HACD4: variants seen among roughly 807,000 people sequenced by gnomAD.
The protein encoded by HACD4 is very-long-chain (3R)-3-hydroxyacyl-CoA dehydratase 4.
In HACD4, 35 loss-of-function variants were observed where a neutral mutation model predicts 33.3. The observed-to-expected ratio is 1.05, with a 90% CI of 0.80 to 1.39. The LOEUF (loss-of-function observed/expected upper bound fraction) is 1.39. HACD4 is among the 40% of genes most tolerant of loss of function. The pLI is 0.00. For missense variants in HACD4, 323 were observed against 276.5 expected, an observed-to-expected ratio of 1.17 and a Z score of -1.19; for synonymous variants, 118 against 98.0, an observed-to-expected ratio of 1.20 and a Z score of -1.21.
chr9:21,024,295 T>C (rs1419372), intron 3 of HACD4, among the ~76,000 whole-genome samples: 140,522 of 152,356 alleles, frequency 0.92, 65,260 homozygotes, highest in East Asian at 1. Context: ...ATTGATAATA[T>C]TCAGCTCAGG....
At chr9:21,016,414 T>C (rs1842557226) in intron 3 of HACD4, among the ~76,000 whole-genome samples, 1 of 152,150 alleles carries the variant, frequency 6.6e-6, no homozygotes. Context: ...GCACAGTGTG[T>C]GCCAGATATG....
rs1842562709 is a variant in HACD4 at position 21,016,659 on chromosome 9, G to A, written c.271-649C>T. 3.3e-5 allele frequency among the ~76,000 whole-genome samples: 5 copies of A among 152,116 alleles called. No homozygotes were observed. The South Asian group carries it at 6.2e-4, about 19-fold the overall frequency. On this transcript the variant is annotated intron_variant, in intron 3 of 6. Coordinates refer to ENST00000495827, the MANE Select transcript of HACD4 (RefSeq NM_001010915.5). ...TAATGTGAACCACTGGGGGGCTAGA[G>A]GGGAGGGTGCATAGAAGGGAATAAA...
At chr9:21,022,927 A>G (rs1587837143) in intron 3 of HACD4, among the ~76,000 whole-genome samples, 3 of 152,190 alleles carry the variant, frequency 2.0e-5, no homozygotes, top group Admixed American at 2.0e-4. Flanking sequence ...ACGTATGTTT[A>G]TTGCGGCACT....
rs1818066618 is a variant in HACD4 at position 21,026,606 on chromosome 9, C to A, written c.260G>T (p.Arg87Met). The A allele has an allele frequency of 6.2e-7, 1 of 1,610,850 alleles. No individual in the cohort carries two copies. The highest frequency in any genetic ancestry group is 1.3e-5 in the African/African-American group (1 of 74,788). The change falls in exon 3 of 7, where the codon AGG becomes ATG. Residue 87 changes from arginine to methionine, a missense_variant. Arg to Met is a moderately conservative substitution (Grantham distance 91). Transcript: ENST00000495827. ...VGIESNHLLPRFLQLTERIII... is the reference protein window; with the variant it reads ...VGIESNHLLPMFLQLTERIII... The stretch of plus-strand genomic sequence containing the variant: ...GTGATTCAAACCTACCTGCAAAAAC[C>A]TTGGGAGAAGATGGTTTGACTCAAT...
intron 5 of HACD4, among the ~76,000 whole-genome samples, chr9:21,010,360 A>G (rs1357036331): frequency 6.6e-6 from 1 of 151,396 alleles, no homozygotes; most frequent in Non-Finnish European, 1.5e-5. Context: ...TAATTAGCCT[A>G]CTCATACTCA....
In HACD4 at chr9:21,003,673, A is replaced by G. The variant is rs551131168; in HGVS notation, c.*3364T>C. On this transcript the variant is annotated 3_prime_UTR_variant, in exon 7 of 7. Transcript: ENST00000495827. ...ATTCTTACATCACAATATATTTAAT[A>G]CCTTTTTACATAGTTTCTAGGTAAG... 6.6e-6 allele frequency: 1 copy of G among 152,278 alleles called. No individual in the cohort carries two copies. Among genetic ancestry groups the G allele is most frequent in the South Asian group, 2.1e-4 (1 of 4,830 alleles). The allele number at this position is 152,278 out of a possible 1,614,324, so 9.4% of individuals were successfully genotyped here. A position where few individuals can be genotyped will look rare whatever the true frequency, so the allele number is the denominator to read the frequency against.
rs148488828 is a variant in HACD4 at position 21,024,119 on chromosome 9, G to A, written c.270+2477C>T. ...GTCTGCATAATTCTAATATAGGAAGGAGGGAGAAAATGAAACTTTGGGCAC... is the reference window on the plus strand; with the variant it reads ...GTCTGCATAATTCTAATATAGGAAGAAGGGAGAAAATGAAACTTTGGGCAC... On this transcript the variant is annotated intron_variant, in intron 3 of 6. Coordinates refer to ENST00000495827, the MANE Select transcript of HACD4 (RefSeq NM_001010915.5). 3.9e-5 allele frequency among the ~76,000 whole-genome samples: 6 copies of A among 152,378 alleles called. No individual in the cohort carries two copies. In the East Asian group the frequency reaches 1.2e-3, roughly 29 times the overall value.
At chr9:21,027,191 A>G (rs910381172) in intron 2 of HACD4, among the ~76,000 whole-genome samples, 3 of 152,246 alleles carry the variant, frequency 2.0e-5, no homozygotes, top group South Asian at 2.1e-4. Context: ...TAATGCCATG[A>G]TATCAAATAA....
At chr9:21,010,044 A>G (rs1842374005) in intron 5 of HACD4, among the ~76,000 whole-genome samples, 1 of 152,210 alleles carries the variant, frequency 6.6e-6, no homozygotes, top group Non-Finnish European at 1.5e-5. Context: ...TTATCTGCTC[A>G]TCAGTAGATA....
chr9:21,029,319 CT>C lies in HACD4; in HGVS notation c.117del (p.Val40SerfsTer21). On this transcript the variant is annotated frameshift_variant, in exon 2 of 7. Transcript: ENST00000495827. LOFTEE classifies it high-confidence loss of function. Reference sequence around the variant, plus strand: ...CCTTTTCCAAATGAAAAGAATCTGACTGTCATATTTGTAAATATCCAAGAGT... The same window carrying C: ...CCTTTTCCAAATGAAAAGAATCTGACGTCATATTTGTAAATATCCAAGAGT... Reference protein sequence around the residue: ...CGHSWIFTNMTVRFFSFGKDS... With the variant: ...CGHSWIFTNMXVRFFSFGKDS... The C allele has an allele frequency of 1.3e-6, 2 of 1,587,910 alleles. No individual in the cohort carries two copies. Among genetic ancestry groups the C allele is most frequent in the Non-Finnish European group, 1.7e-6 (2 of 1,161,784 alleles).
At position 21,005,766 on chromosome 9, in the gene HACD4, T is replaced by G. The variant is rs1413555211; in HGVS notation, c.*1271A>C. Reference sequence around the variant, plus strand: ...CTCACTGGGTCCTGAAGCCAGAGTATCAGGCCAAAGAGGATTATTACTAAG... The same window carrying G: ...CTCACTGGGTCCTGAAGCCAGAGTAGCAGGCCAAAGAGGATTATTACTAAG... On this transcript the variant is annotated 3_prime_UTR_variant, in exon 7 of 7. Coordinates refer to ENST00000495827, the MANE Select transcript of HACD4 (RefSeq NM_001010915.5). This position sits in a 1 kb window ranked among gnomAD's most constrained non-coding sequence, Gnocchi z 4.0. The G allele has an allele frequency of 1.3e-5, 2 of 152,208 alleles. No individual in the cohort carries two copies. The highest frequency in any genetic ancestry group is 2.4e-5 in the African/African-American group (1 of 41,426). The allele number at this position is 152,208 out of a possible 1,614,324, so 9.4% of individuals were successfully genotyped here. A position where few individuals can be genotyped will look rare whatever the true frequency, so the allele number is the denominator to read the frequency against.
Position 21,030,733 on chromosome 9 carries a change from T to C in HACD4, c.38+820A>G, listed in dbSNP as rs115452783. 3.4e-3 allele frequency among the ~76,000 whole-genome samples: 517 copies of C among 152,366 alleles called. 3 individuals are homozygous for C. Among genetic ancestry groups the C allele is most frequent in the African/African-American group, 0.012 (491 of 41,588 alleles). ...AGGGTAGATAGTTTCCTTCATCAGA[T>C]ACATATCGAAAGCAGTTTAGTTGCT... On this transcript the variant is annotated intron_variant, in intron 1 of 6. Coordinates refer to ENST00000495827, the MANE Select transcript of HACD4 (RefSeq NM_001010915.5).
At chr9:21,029,457 T>C in intron 1 of HACD4, 59 bp from the exon 2 acceptor site, 1 of 1,075,538 alleles carries the variant, frequency 9.3e-7, no homozygotes, top group Non-Finnish European at 1.4e-6. Context: ...TTCATCACTG[T>C]ACACATGCCC....
chr9:21,031,411 C>A, intron 1 of HACD4, 142 bp downstream of exon 1: 3 of 1,306,344 alleles, frequency 2.3e-6, no homozygotes, highest in South Asian at 2.1e-5. Flanking sequence ...TGCATGAGCT[C>A]CAAGGGGTGC....
intron 3 of HACD4, among the ~76,000 whole-genome samples, chr9:21,023,728 C>T (rs976486510): frequency 2.0e-5 from 3 of 152,146 alleles, no homozygotes; most frequent in African/African-American, 7.2e-5. Flanking sequence ...GCACGCGCCA[C>T]CACGTCCAGC....
At position 21,006,796 on chromosome 9, in the gene HACD4, A is replaced by G; in HGVS notation, c.*241T>C. ...ATACAATGTAAGTATAACTTGTATA[A>G]AATCCAAATGAAGCAGGAATTTTGG... On this transcript the variant is annotated 3_prime_UTR_variant, in exon 7 of 7. Coordinates refer to ENST00000495827, the MANE Select transcript of HACD4 (RefSeq NM_001010915.5). This position sits in a 1 kb window ranked among gnomAD's most constrained non-coding sequence, Gnocchi z 4.6. The G allele has an allele frequency of 2.1e-6, 1 of 469,994 alleles. No homozygotes were observed. The highest frequency in any genetic ancestry group is 3.8e-6 in the Non-Finnish European group (1 of 261,178). 29.1% of individuals were successfully genotyped at this position (469,994 alleles called of 1,614,324 possible). A position where few individuals can be genotyped will look rare whatever the true frequency, so the allele number is the denominator to read the frequency against.
chr9:21,003,543 T>C lies in HACD4; in HGVS notation c.*3494A>G, dbSNP rs528928507. 1 of 152,276 alleles carries C rather than the reference T, an allele frequency of 6.6e-6. No homozygotes were observed. Among genetic ancestry groups the C allele is most frequent in the South Asian group, 2.1e-4 (1 of 4,830 alleles). 9.4% of individuals were successfully genotyped at this position (152,276 alleles called of 1,614,324 possible). A position where few individuals can be genotyped will look rare whatever the true frequency, so the allele number is the denominator to read the frequency against. Reference sequence around the variant, plus strand: ...AGGATAATTTTTTAAAATCCAAATATATTTATAAAGATTTCAAGTAGCCTA... The same window carrying C: ...AGGATAATTTTTTAAAATCCAAATACATTTATAAAGATTTCAAGTAGCCTA... On this transcript the variant is annotated 3_prime_UTR_variant, in exon 7 of 7. Transcript: ENST00000495827.
intron 1 of HACD4, 173 bp downstream of exon 1, chr9:21,031,380 A>AG (rs1818214043): frequency 1.2e-6 from 1 of 834,546 alleles, no homozygotes; most frequent in African/African-American, 1.8e-5. Context: ...GGTGGTCAAG[A>AG]GGGGTAAGTT....
chr9:21,020,211 A>G (rs1384040496), intron 3 of HACD4, among the ~76,000 whole-genome samples: 1 of 145,840 alleles, frequency 6.9e-6, no homozygotes, highest in Non-Finnish European at 1.5e-5. Context: ...TGTAAAATTA[A>G]TAGTGCAGGA....
Sources: allele counts gnomAD v4.1 joint callset (sites outside exome capture counted in the v4.1 genomes callset), GRCh38; gene constraint gnomAD v4.1.1; non-coding constraint Gnocchi (gnomAD v3.1); transcripts MANE v1.5; gene names NCBI Gene and HGNC (gene_info 2026-07-23, HGNC 2026-07-21).